Variants in CLPB observed in about 807,000 individuals in gnomAD.
The protein encoded by CLPB is mitochondrial disaggregase.
In CLPB, 40 loss-of-function variants were observed where a neutral mutation model predicts 78.4. That is an observed-to-expected ratio of 0.51 (90% confidence interval 0.40 to 0.66). The LOEUF is 0.66. Ranked by LOEUF, CLPB falls within the 30% of genes least tolerant of loss-of-function variation. CLPB has a pLI of 0.00. For synonymous variants in CLPB, 333 were observed against 348.0 expected (o/e 0.96, Z 0.48); for missense variants, 780 against 886.9 (o/e 0.88, Z 1.53).
At chr11:72,333,423 T>G (rs1006439605) in intron 5 of CLPB, among the ~76,000 whole-genome samples, 21 of 152,246 alleles carry the variant, frequency 1.4e-4, no homozygotes, top group African/African-American at 5.1e-4. Flanking sequence ...AGCCAATGAA[T>G]AGTTTCCCTC....
chr11:72,351,905 T>A (rs1950620685), intron 5 of CLPB, among the ~76,000 whole-genome samples: 1 of 151,938 alleles, frequency 6.6e-6, no homozygotes, highest in Admixed American at 6.6e-5. Flanking sequence ...GTTTCAAGTG[T>A]AACATATAAA....
At chr11:72,402,682 C>T (rs1855596713) in intron 3 of CLPB, among the ~76,000 whole-genome samples, 1 of 152,214 alleles carries the variant, frequency 6.6e-6, no homozygotes, top group African/African-American at 2.4e-5. Flanking sequence ...TAAACACAAC[C>T]AATTACAACA....
At position 72,294,309 on chromosome 11, in the gene CLPB, G is replaced by C. The variant is rs777731429; in HGVS notation, c.1680+16C>G. ...GCTGGCTATCCCGCCCCCACCCATGGGCAGTTCCCTCTTACTCTCTTGGCC... is the reference window on the plus strand; with the variant it reads ...GCTGGCTATCCCGCCCCCACCCATGCGCAGTTCCCTCTTACTCTCTTGGCC... On this transcript the variant is annotated intron_variant, in intron 14 of 15. Transcript: ENST00000538039. 6.2e-7 allele frequency: 1 copy of C among 1,614,200 alleles called. No homozygotes were observed. Among genetic ancestry groups the C allele is most frequent in the Admixed American group, 1.7e-5 (1 of 60,028 alleles).
intron 3 of CLPB, 126 bp from the exon 4 acceptor site, chr11:72,380,510 A>C: frequency 1.4e-6 from 1 of 715,322 alleles, no homozygotes; most frequent in Non-Finnish European, 2.5e-6. Context: ...GGTGGGAAAA[A>C]AACCATGAAC....
intron 5 of CLPB, chr11:72,357,255 T>C (rs1194047555): frequency 6.6e-6 from 1 of 152,290 alleles, no homozygotes; most frequent in Admixed American, 6.5e-5. Flanking sequence ...CCTGGGAAGT[T>C]CCCAGAGGCC....
intron 2 of CLPB, among the ~76,000 whole-genome samples, chr11:72,422,029 A>G (rs558682324): frequency 1.5e-4 from 22 of 151,014 alleles, no homozygotes; most frequent in African/African-American, 5.4e-4. Flanking sequence ...GCACTTTGGG[A>G]GGCCAAGGCG....
In CLPB at chr11:72,286,983, TA is replaced by T. The variant is rs1216442874; in HGVS notation, c.*6383del. The T allele has an allele frequency of 6.6e-6, 1 of 152,220 alleles. No individual in the cohort carries two copies. The highest frequency in any genetic ancestry group is 6.5e-5 in the Admixed American group (1 of 15,288). The allele number at this position is 152,220 out of a possible 1,614,324, so 9.4% of individuals were successfully genotyped here. On this transcript the variant is annotated 3_prime_UTR_variant, in exon 16 of 16. Coordinates refer to ENST00000538039, the MANE Select transcript of CLPB (RefSeq NM_001258392.3). ...ACAACACTAGCACTCTCTAGACATTTAAATAACATTTAAGTTCTTGATGTAA... is the reference window on the plus strand; with the variant it reads ...ACAACACTAGCACTCTCTAGACATTTAATAACATTTAAGTTCTTGATGTAA...
chr11:72,434,241 G>T lies in CLPB; in HGVS notation c.234C>A (p.Phe78Leu), dbSNP rs1457961564. The T allele has an allele frequency of 6.2e-7, 1 of 1,613,336 alleles. No homozygotes were observed. Among genetic ancestry groups the T allele is most frequent in the Non-Finnish European group, 8.5e-7 (1 of 1,179,978 alleles). Residue 78 changes from phenylalanine (F) to leucine (L), a missense_variant, in exon 1 of 16, where the codon TTC becomes TTA. By Grantham distance (22) the Phe-to-Leu change is conservative. Around this residue, in one of 3 missense-constraint regions of CLPB, gnomAD observed 417 missense variants for 414.7 expected, o/e 1.01. Transcript: ENST00000538039. ...TGGCAGCCGCGAGGCATTTGGTATC[G>T]AAGCGTCCTCCCTGGCGCCCCCCGG... The part of the protein sequence containing the change: ...AATGGRQGGR[F>L]DTKCLAAATW...
At chr11:72,405,918 ACT>A (rs1055437367) in intron 2 of CLPB, among the ~76,000 whole-genome samples, 2 of 149,502 alleles carry the variant, frequency 1.3e-5, no homozygotes, top group Non-Finnish European at 3.0e-5. Flanking sequence ...ACAGAGTGAG[ACT>A]CTGTCTCAAA....
intron 7 of CLPB, 80 bp from the exon 8 acceptor site, chr11:72,308,684 T>G: frequency 8.1e-7 from 1 of 1,234,100 alleles, no homozygotes. Flanking sequence ...TAATTATCAC[T>G]AAGTATACAA....
intron 3 of CLPB, among the ~76,000 whole-genome samples, chr11:72,381,956 T>G (rs573838188): frequency 6.6e-6 from 1 of 152,110 alleles, no homozygotes; most frequent in African/African-American, 2.4e-5. Context: ...GACTCCAGGA[T>G]AGCCCTCATG....
rs997798968 is a variant in CLPB at position 72,286,289 on chromosome 11, G to A, written c.*7078C>T. 19 of 140,396 alleles carry A rather than the reference G, an allele frequency of 1.4e-4. No homozygotes were observed. The highest frequency in any genetic ancestry group is 4.9e-4 in the African/African-American group (18 of 37,014). The allele number at this position is 140,396 out of a possible 1,614,324, so 8.7% of individuals were successfully genotyped here. A position where few individuals can be genotyped will look rare whatever the true frequency, so the allele number is the denominator to read the frequency against. On this transcript the variant is annotated 3_prime_UTR_variant, in exon 16 of 16. Transcript: ENST00000538039. Reference sequence around the variant, plus strand: ...TCTGCCACCCAGCCTGGAGTGCAGTGGCATGATCATAGCTCACTGTAACCT... The same window carrying A: ...TCTGCCACCCAGCCTGGAGTGCAGTAGCATGATCATAGCTCACTGTAACCT...
At chr11:72,372,845 G>A (rs976525011) in intron 4 of CLPB, 30 of 1,292,548 alleles carry the variant, frequency 2.3e-5, no homozygotes, top group Non-Finnish European at 2.9e-5. Context: ...CTTATACTGA[G>A]TAAAAGAGAT....
At chr11:72,327,167 G>A (rs1178481348) in intron 6 of CLPB, among the ~76,000 whole-genome samples, 1 of 152,240 alleles carries the variant, frequency 6.6e-6, no homozygotes, top group Non-Finnish European at 1.5e-5. Flanking sequence ...TGGGACAGCT[G>A]TGTTAGGGGC....
At chr11:72,380,803 T>C (rs1444099626) in intron 3 of CLPB, among the ~76,000 whole-genome samples, 1 of 152,232 alleles carries the variant, frequency 6.6e-6, no homozygotes, top group Non-Finnish European at 1.5e-5. Flanking sequence ...ACTTATCAAA[T>C]GCCTACCATG....
At chr11:72,347,796 G>C (rs1444943949) in intron 5 of CLPB, among the ~76,000 whole-genome samples, 3 of 152,196 alleles carry the variant, frequency 2.0e-5, no homozygotes, top group Admixed American at 2.0e-4. Context: ...TTGACTTTGA[G>C]ATTACTCTGG....
At chr11:72,324,377 G>C (rs1009747229) in intron 6 of CLPB, among the ~76,000 whole-genome samples, 5 of 152,080 alleles carry the variant, frequency 3.3e-5, no homozygotes, top group African/African-American at 9.7e-5. Flanking sequence ...AGACCAGCCT[G>C]GCCAACATGG....
intron 2 of CLPB, among the ~76,000 whole-genome samples, chr11:72,426,240 A>G (rs1229928685): frequency 6.6e-6 from 1 of 152,054 alleles, no homozygotes; most frequent in Non-Finnish European, 1.5e-5. Context: ...TCTTTCACCC[A>G]CTTTGTGCTG....
chr11:72,305,253 A>C lies in CLPB; in HGVS notation c.1122+1946T>G, dbSNP rs140057173. 6.7e-3 allele frequency among the ~76,000 whole-genome samples: 1,015 copies of C among 152,336 alleles called. 5 individuals are homozygous for C. The highest frequency in any genetic ancestry group is 0.011 in the Non-Finnish European group (737 of 68,026). Reference sequence around the variant, plus strand: ...ATTTCTTCCCCTAATAGGTGACCTTAGATAAGCCTAAGAATGCTGTAGGGC... The same window carrying C: ...ATTTCTTCCCCTAATAGGTGACCTTCGATAAGCCTAAGAATGCTGTAGGGC... On this transcript the variant is annotated intron_variant, in intron 9 of 15. Coordinates refer to ENST00000538039, the MANE Select transcript of CLPB (RefSeq NM_001258392.3).
Sources: allele counts gnomAD v4.1 joint callset (sites outside exome capture counted in the v4.1 genomes callset), GRCh38; gene constraint gnomAD v4.1.1; regional missense constraint gnomAD v4.1.1; transcripts MANE v1.5; gene names NCBI Gene and HGNC (gene_info 2026-07-23, HGNC 2026-07-21).